KIF26B: variants seen among roughly 807,000 people sequenced by gnomAD.
KIF26B encodes kinesin family member 26B.
In KIF26B, 63 loss-of-function variants were observed where a neutral mutation model predicts 151.2. The observed-to-expected ratio is 0.42, with a 90% CI of 0.34 to 0.51. KIF26B has a LOEUF of 0.51. Ranked by LOEUF, KIF26B falls within the 20% of genes least tolerant of loss-of-function variation. KIF26B has a pLI of 0.07. For synonymous variants in KIF26B, 1,357 were observed against 1,262.1 expected (o/e 1.08, Z -1.59); for missense variants, 2,813 against 2,913.6 (o/e 0.97, Z 0.79).
chr1:245,506,202 C>A (rs530195703), intron 4 of KIF26B, among the ~76,000 whole-genome samples: 1 of 152,164 alleles, frequency 6.6e-6, no homozygotes, highest in Non-Finnish European at 1.5e-5. Flanking sequence ...GGCCTAATTT[C>A]TTATGTCCCC....
intron 2 of KIF26B, among the ~76,000 whole-genome samples, chr1:245,243,767 C>T (rs1291467403): frequency 1.3e-5 from 2 of 152,034 alleles, no homozygotes; most frequent in African/African-American, 2.4e-5. Flanking sequence ...AGGAGAATCG[C>T]TTGAACCTGG....
intron 2 of KIF26B, among the ~76,000 whole-genome samples, chr1:245,296,055 G>C (rs1671330887): frequency 6.6e-6 from 1 of 152,180 alleles, no homozygotes; most frequent in Non-Finnish European, 1.5e-5. Context: ...TAGATGTTCA[G>C]AGTCTGGTTG....
intron 4 of KIF26B, among the ~76,000 whole-genome samples, chr1:245,458,767 C>A (rs1659590593): frequency 6.6e-6 from 1 of 152,222 alleles, no homozygotes; most frequent in Non-Finnish European, 1.5e-5. Context: ...TGACCAGATT[C>A]TTTGCCCAAG....
Position 245,687,429 on chromosome 1 carries a change from A to G in KIF26B, c.4446A>G (p.Gly1482=). 1.3e-6 allele frequency: 2 copies of G among 1,588,536 alleles called. No individual in the cohort carries two copies. The highest frequency in any genetic ancestry group is 1.7e-6 in the Non-Finnish European group (2 of 1,167,886). Residue 1482 remains glycine, a synonymous_variant, in exon 12 of 15, where the codon GGA becomes GGG. Transcript: ENST00000407071. This position sits in a 1 kb window ranked among gnomAD's most constrained non-coding sequence, Gnocchi z 4.9. ...CCAGAGCAGAGCAGGAGCAGGACGG[A>G]AAGCCCAGTCCGGGAGACAGGCTCA... ...AETRAEQEQD[G]KPSPGDRLSS...
intron 2 of KIF26B, among the ~76,000 whole-genome samples, chr1:245,247,885 G>A (rs1353552456): frequency 6.6e-6 from 1 of 152,176 alleles, no homozygotes; most frequent in Admixed American, 6.5e-5. Flanking sequence ...TTTGCTCTCT[G>A]TACCTTTCTG....
At chr1:245,568,620 T>A (rs2043035273) in intron 5 of KIF26B, among the ~76,000 whole-genome samples, 3 of 152,226 alleles carry the variant, frequency 2.0e-5, no homozygotes, top group Non-Finnish European at 4.4e-5. Flanking sequence ...AGCGGTTTAT[T>A]GCTGGTCCGA....
Position 245,207,363 on chromosome 1 carries a change from T to A in KIF26B, c.465+50680T>A, listed in dbSNP as rs12030471. ...TCCTTACTGCTGTGTCCTGCCTCCA[T>A]TGGCTGGAGTTGGACCGCACAATCT... On this transcript the variant is annotated intron_variant, in intron 2 of 14. Transcript: ENST00000407071. Among the ~76,000 whole-genome samples the A allele has an allele frequency of 5.6e-3, 848 of 152,292 alleles. 38 individuals are homozygous for A. The East Asian group carries it at 0.13, about 24-fold the overall frequency.
intron 9 of KIF26B, among the ~76,000 whole-genome samples, chr1:245,613,837 C>T (rs887850552): frequency 6.6e-5 from 10 of 152,182 alleles, no homozygotes; most frequent in Non-Finnish European, 1.3e-4. Context: ...GGTACATTCA[C>T]CAAAACATCA....
chr1:245,687,173 T>C lies in KIF26B; in HGVS notation c.4190T>C (p.Ile1397Thr). 6.2e-7 allele frequency: 1 copy of C among 1,613,032 alleles called. No homozygotes were observed. Among genetic ancestry groups the C allele is most frequent in the Non-Finnish European group, 8.5e-7 (1 of 1,179,732 alleles). The change falls in exon 12 of 15, where the codon ATT (isoleucine) becomes ACT (threonine). Residue 1397 changes from isoleucine (I) to threonine (T), a missense_variant. Physicochemically the swap from Ile to Thr is moderately conservative, Grantham distance 89. Around this residue, in one of 3 missense-constraint regions of KIF26B, gnomAD observed 2,060 missense variants for 2,088.6 expected, o/e 0.99. Transcript: ENST00000407071. This position sits in a 1 kb window ranked among gnomAD's most constrained non-coding sequence, Gnocchi z 4.9. ...ACCAATATCACAGTTTACCCCTGCA[T>C]TGCCATGAGCCCCCGGAACATCCAA... ...MKTNITVYPC[I>T]AMSPRNIQEP... is the part of the protein sequence containing the mutation.
intron 3 of KIF26B, among the ~76,000 whole-genome samples, chr1:245,395,131 T>C (rs938815666): frequency 6.6e-6 from 1 of 152,226 alleles, no homozygotes; most frequent in African/African-American, 2.4e-5. Context: ...AAGTAAGCAG[T>C]TTGATTTTGG....
intron 2 of KIF26B, among the ~76,000 whole-genome samples, chr1:245,159,514 C>T (rs1006031854): frequency 6.6e-6 from 1 of 152,166 alleles, no homozygotes; most frequent in Non-Finnish European, 1.5e-5. Flanking sequence ...CTGAAAAGTG[C>T]TTTCATTCTT....
At chr1:245,646,749 G>A (rs1199912769) in intron 10 of KIF26B, among the ~76,000 whole-genome samples, 2 of 152,190 alleles carry the variant, frequency 1.3e-5, no homozygotes, top group African/African-American at 2.4e-5. Flanking sequence ...CCCCAACATT[G>A]CATGGGACGC....
chr1:245,657,257 G>C (rs181751977), intron 10 of KIF26B, among the ~76,000 whole-genome samples: 2 of 152,182 alleles, frequency 1.3e-5, no homozygotes, highest in Non-Finnish European at 2.9e-5. Context: ...AAAACACCGC[G>C]TTGGTGTCTT....
At position 245,167,485 on chromosome 1, in the gene KIF26B, T is replaced by C. The variant is rs138338623; in HGVS notation, c.465+10802T>C. Among the ~76,000 whole-genome samples the C allele has an allele frequency of 2.1e-3, 313 of 152,280 alleles. 3 individuals carry two copies. Among genetic ancestry groups the C allele is most frequent in the African/African-American group, 7.2e-3 (298 of 41,560 alleles). ...TTTCTTTGGGGTTATAATCACTACT[T>C]CCCAACCCTTCCTCCACCTAACTGG... On this transcript the variant is annotated intron_variant, in intron 2 of 14. Coordinates refer to ENST00000407071, the MANE Select transcript of KIF26B (RefSeq NM_018012.4). The surrounding 1 kb of genome is among the most constrained non-coding windows in gnomAD (Gnocchi z 4.2).
chr1:245,395,996 T>A (rs1230217036), intron 3 of KIF26B, among the ~76,000 whole-genome samples: 2 of 152,238 alleles, frequency 1.3e-5, no homozygotes. Context: ...TGGCAGCCTC[T>A]GCTCTCCCAA....
Position 245,244,532 on chromosome 1 carries a change from G to A in KIF26B, c.465+87849G>A, listed in dbSNP as rs56065372. On this transcript the variant is annotated intron_variant, in intron 2 of 14. Coordinates refer to ENST00000407071, the MANE Select transcript of KIF26B (RefSeq NM_018012.4). The surrounding 1 kb of genome is among the most constrained non-coding windows in gnomAD (Gnocchi z 4.2). The stretch of plus-strand genomic sequence containing the variant: ...TAGACCAATTTTATTGTACTTAGTC[G>A]AGTTCTAGAGGGAGCCAGGCCCAGA... Among the ~76,000 whole-genome samples, 5 of 152,084 alleles carry A rather than the reference G, an allele frequency of 3.3e-5. No individual in the cohort carries two copies. The highest frequency in any genetic ancestry group is 2.1e-4 in the South Asian group (1 of 4,820).
chr1:245,277,988 C>A (rs995678113), intron 2 of KIF26B, among the ~76,000 whole-genome samples: 2 of 151,582 alleles, frequency 1.3e-5, no homozygotes, highest in Non-Finnish European at 2.9e-5. Context: ...CGGCTCATGG[C>A]AAAGCATGGA....
At chr1:245,553,609 G>A (rs1248986547) in intron 5 of KIF26B, among the ~76,000 whole-genome samples, 1 of 152,140 alleles carries the variant, frequency 6.6e-6, no homozygotes, top group Admixed American at 6.5e-5. Flanking sequence ...ACCGATGAAA[G>A]TACATTAATA....
intron 3 of KIF26B, among the ~76,000 whole-genome samples, chr1:245,388,138 C>T (rs1201188795): frequency 6.6e-6 from 1 of 152,022 alleles, no homozygotes; most frequent in Admixed American, 6.5e-5. Flanking sequence ...GGGTCAGAAA[C>T]TTTCCATTAG....
Sources: allele counts gnomAD v4.1 joint callset (sites outside exome capture counted in the v4.1 genomes callset), GRCh38; gene constraint gnomAD v4.1.1; regional missense constraint gnomAD v4.1.1; non-coding constraint Gnocchi (gnomAD v3.1); transcripts MANE v1.5; gene names NCBI Gene and HGNC (gene_info 2026-07-23, HGNC 2026-07-21).